ABCC11: variants seen among roughly 807,000 people sequenced by gnomAD.
The protein encoded by ABCC11 is ATP binding cassette subfamily C member 11.
A neutral mutation model predicts 149.3 loss-of-function variants in ABCC11; 135 were observed. The ratio of observed to expected loss-of-function variants is 0.90; its 90% CI spans 0.79 to 1.04. ABCC11 has a LOEUF of 1.04. ABCC11 is among the 50% of genes least tolerant of loss of function. ABCC11 has a pLI of 0.00. For synonymous variants in ABCC11, 665 were observed against 671.4 expected (o/e 0.99, Z 0.15); for missense variants, 1,680 against 1,722.1 (o/e 0.98, Z 0.43).
rs538470038 is a variant in ABCC11 at position 48,227,782 on chromosome 16, C to T, written c.395+24G>A. On this transcript the variant is annotated intron_variant, in intron 4 of 29. Coordinates refer to ENST00000356608, the MANE Select transcript of ABCC11 (RefSeq NM_001370497.1). ...AAGAGATTGTCTTTTAACCTATCCA[C>T]TGGTTTGCCCAGCGCAGCTTCACCT... The T allele has an allele frequency of 3.8e-5, 61 of 1,613,532 alleles. 1 individual carries two copies. The South Asian group carries it at 6.2e-4, about 16-fold the overall frequency.
At position 48,225,539 on chromosome 16, in the gene ABCC11, T is replaced by TGTGCTTCCCC. The variant is rs537885942; in HGVS notation, c.396-1111_396-1110insGGGGAAGCAC. The stretch of plus-strand genomic sequence containing the variant: ...GTTGTCTAACATAATTGTTGATCCC[T>TGTGCTTCCCC]TGTGCTTCCTAATAAACTGGTCACT... On this transcript the variant is annotated intron_variant, in intron 4 of 29. Coordinates refer to ENST00000356608, the MANE Select transcript of ABCC11 (RefSeq NM_001370497.1). Among the ~76,000 whole-genome samples, 483 of 152,240 alleles carry TGTGCTTCCCC rather than the reference T, an allele frequency of 3.2e-3. 1 individual carries two copies. Among genetic ancestry groups the TGTGCTTCCCC allele is most frequent in the African/African-American group, 0.011 (459 of 41,508 alleles).
chr16:48,215,489 C>G (rs544023002), intron 7 of ABCC11, 145 bp from the exon 8 acceptor site: 2 of 935,094 alleles, frequency 2.1e-6, no homozygotes, highest in African/African-American at 3.3e-5. Flanking sequence ...GGCCACTATG[C>G]CTTAGAGCAT....
chr16:48,178,909 A>T (rs1017327570), intron 23 of ABCC11, among the ~76,000 whole-genome samples: 7 of 152,114 alleles, frequency 4.6e-5, no homozygotes, highest in African/African-American at 1.7e-4. Context: ...CTCCCCAGAC[A>T]CTGTTCCACC....
At chr16:48,232,224 T>G (rs1373832611) in intron 1 of ABCC11, 1 of 350,288 alleles carries the variant, frequency 2.9e-6, no homozygotes, top group Non-Finnish European at 4.9e-6. Context: ...TCTCCTTTGA[T>G]GTATCAAACC....
intron 1 of ABCC11, chr16:48,244,584 C>T (rs1239657268): frequency 8.0e-6 from 12 of 1,500,206 alleles, no homozygotes; most frequent in Non-Finnish European, 1.1e-5. Flanking sequence ...CACGCCTGAC[C>T]CCGCCAGCGA....
At position 48,192,639 on chromosome 16, in the gene ABCC11, G is replaced by C. The variant is rs376087167; in HGVS notation, c.2587C>G (p.Gln863Glu). The C allele has an allele frequency of 6.8e-6, 11 of 1,614,074 alleles. No individual in the cohort carries two copies. In the African/African-American group the frequency reaches 1.5e-4, roughly 22 times the overall value. The change falls in exon 20 of 30, where the codon CAG (glutamine) becomes GAG (glutamate). Residue 863 changes from glutamine to glutamate, a missense_variant. Transcript: ENST00000356608. The stretch of plus-strand genomic sequence containing the variant: ...AGGGCGTTGAGCCCGTACACCAGCT[G>C]GTAGAAGGACAGTTGAGGATTGTCT... ...IADNPQLSFY[Q>E]LVYGLNALLL...
chr16:48,200,724 A>G (rs867148020), intron 14 of ABCC11, among the ~76,000 whole-genome samples: 1 of 152,212 alleles, frequency 6.6e-6, no homozygotes, highest in African/African-American at 2.4e-5. Context: ...GAGGCTGGAA[A>G]GGATTTTTGG....
intron 1 of ABCC11, among the ~76,000 whole-genome samples, chr16:48,242,465 A>T (rs1400752297): frequency 1.3e-5 from 2 of 152,214 alleles, no homozygotes; most frequent in Non-Finnish European, 2.9e-5. Flanking sequence ...AAACTAGTTC[A>T]ACCATTGTGG....
intron 19 of ABCC11, 143 bp from the exon 20 acceptor site, chr16:48,192,860 G>GCTA: frequency 1.3e-6 from 1 of 790,214 alleles, no homozygotes. Flanking sequence ...TCAGCGCTTG[G>GCTA]CTACTCTCTT....
chr16:48,167,686 G>C, intron 28 of ABCC11, 26 bp from the exon 29 acceptor site: 1 of 1,613,070 alleles, frequency 6.2e-7, no homozygotes, highest in Non-Finnish European at 8.5e-7. Context: ...CAGGGGTGAA[G>C]GTGTCTACTT....
chr16:48,215,488 G>A (rs1284872016), intron 7 of ABCC11, 144 bp from the exon 8 acceptor site: 2 of 939,030 alleles, frequency 2.1e-6, no homozygotes, highest in South Asian at 3.9e-5. Flanking sequence ...AGGCCACTAT[G>A]CCTTAGAGCA....
chr16:48,192,207 G>C (rs1043869184), intron 20 of ABCC11, among the ~76,000 whole-genome samples: 1 of 152,046 alleles, frequency 6.6e-6, no homozygotes, highest in East Asian at 1.9e-4. Flanking sequence ...ACTTTGGGGG[G>C]CCGAGGTGGA....
Position 48,198,013 on chromosome 16 carries a change from C to A in ABCC11, c.2272G>T (p.Ala758Ser), listed in dbSNP as rs752306615. 12 of 1,614,060 alleles carry A rather than the reference C, an allele frequency of 7.4e-6. No homozygotes were observed. Among genetic ancestry groups the A allele is most frequent in the South Asian group, 2.2e-5 (2 of 91,084 alleles). The change falls in exon 17 of 30, where the codon GCT (alanine) becomes TCT (serine). Residue 758 changes from alanine (A) to serine (S), a missense_variant. Ala to Ser is a moderately conservative substitution (Grantham distance 99). Coordinates refer to ENST00000356608, the MANE Select transcript of ABCC11 (RefSeq NM_001370497.1). ...GACTCTTCCAGGGAGGTGGCCAGAG[C>A]CTGACTTTCTACCTTTGGCTTCTCT... ...IAEKPKVESQ[A>S]LATSLEESLN...
intron 12 of ABCC11, among the ~76,000 whole-genome samples, chr16:48,207,711 A>G (rs1255761107): frequency 1.3e-5 from 2 of 152,188 alleles, no homozygotes; most frequent in African/African-American, 4.8e-5. Context: ...AAGGGAAGGG[A>G]AAAAGGAAAG....
chr16:48,170,264 G>A (rs1024677734), intron 27 of ABCC11, 46 bp from the exon 28 acceptor site: 8 of 1,482,636 alleles, frequency 5.4e-6, no homozygotes, highest in Non-Finnish European at 7.5e-6. Flanking sequence ...AGCCACTGTG[G>A]GGTGAGACCC....
chr16:48,195,364 C>T (rs1967302393), intron 18 of ABCC11, among the ~76,000 whole-genome samples: 1 of 152,190 alleles, frequency 6.6e-6, no homozygotes, highest in South Asian at 2.1e-4. Context: ...CCTGCTCTGT[C>T]TGGGCAGGCC....
At chr16:48,177,434 C>T (rs373855363) in intron 24 of ABCC11, among the ~76,000 whole-genome samples, 1 of 152,248 alleles carries the variant, frequency 6.6e-6, no homozygotes, top group Non-Finnish European at 1.5e-5. Flanking sequence ...GAGACTCCCC[C>T]CTTCGGGGGG....
At chr16:48,169,966 T>TTGTTGC (rs374129871) in intron 28 of ABCC11, 139 bp downstream of exon 28, 99,483 of 620,554 alleles carry the variant, frequency 0.16, 9,544 homozygotes, top group African/African-American at 0.29. Context: ...GCTGTTGTTG[T>TTGTTGC]TGTTGTTGTT....
chr16:48,178,922 G>C (rs1270203226), intron 23 of ABCC11, among the ~76,000 whole-genome samples: 1 of 152,156 alleles, frequency 6.6e-6, no homozygotes, highest in East Asian at 1.9e-4. Context: ...GTTCCACCTC[G>C]AGTGCCCTCT....
Sources: gnomAD v4.1 joint callset for allele counts (sites outside exome capture counted in the v4.1 genomes callset) on GRCh38, gnomAD v4.1.1 for gene constraint, MANE v1.5 for transcripts, NCBI Gene and HGNC (gene_info 2026-07-23, HGNC 2026-07-21) for gene names.